TNR: variants seen among roughly 807,000 people sequenced by gnomAD.
TNR encodes tenascin-R.
In TNR, 45 loss-of-function variants were observed where a neutral mutation model predicts 150.4. The observed-to-expected ratio is 0.30, with a 90% CI of 0.24 to 0.38. TNR has a LOEUF of 0.38. TNR is among the 10% of genes least tolerant of loss of function. TNR has a pLI of 1.00. For synonymous variants in TNR, 687 were observed against 678.4 expected, an observed-to-expected ratio of 1.01 and a Z score of -0.20; for missense variants, 1,544 against 1,759.1, an observed-to-expected ratio of 0.88 and a Z score of 2.19.
At chr1:175,438,813 A>G (rs1162123884) in intron 2 of TNR, among the ~76,000 whole-genome samples, 1 of 152,212 alleles carries the variant, frequency 6.6e-6, no homozygotes, top group Non-Finnish European at 1.5e-5. Context: ...AATCCAACTT[A>G]CAAGGGATGT....
At chr1:175,540,181 C>T (rs1313718619) in intron 1 of TNR, among the ~76,000 whole-genome samples, 1 of 152,170 alleles carries the variant, frequency 6.6e-6, no homozygotes, top group Non-Finnish European at 1.5e-5. Flanking sequence ...CAAGTCCTTC[C>T]TCTGATCCCA....
chr1:175,421,289 A>T (rs1304618899), intron 2 of TNR, among the ~76,000 whole-genome samples: 2 of 152,226 alleles, frequency 1.3e-5, no homozygotes. Context: ...CCCTAGCAAC[A>T]ACTCAACACT....
intron 1 of TNR, among the ~76,000 whole-genome samples, chr1:175,633,999 TGATGATGATGATGAC>T (rs11269214): frequency 0.28 from 43,082 of 151,230 alleles, 7,240 homozygotes; most frequent in East Asian, 0.5. Flanking sequence ...ACTGGGATGA[TGATGATGATGATGAC>T]GATGATGATG....
intron 1 of TNR, among the ~76,000 whole-genome samples, chr1:175,585,755 C>A (rs1290935373): frequency 6.6e-6 from 1 of 152,182 alleles, no homozygotes; most frequent in Non-Finnish European, 1.5e-5. Flanking sequence ...CAGCCTCCCA[C>A]TTCCTTCCCT....
At chr1:175,492,186 T>TC (rs1034165429) in intron 2 of TNR, among the ~76,000 whole-genome samples, 2 of 152,192 alleles carry the variant, frequency 1.3e-5, no homozygotes, top group African/African-American at 4.8e-5. Context: ...CTTCAGTCTT[T>TC]CCCCCCTCTG....
Position 175,386,016 on chromosome 1 carries a change from C to G in TNR, c.1777+16G>C, listed in dbSNP as rs72723450. On this transcript the variant is annotated intron_variant, in intron 8 of 22. Coordinates refer to ENST00000367674, the MANE Select transcript of TNR (RefSeq NM_003285.3). ...TCTTTCCCTCCTTGTGCGTCTCTCC[C>G]CCACCGCAGCCTTACCTGTTGTGAA... The G allele has an allele frequency of 1.2e-5, 18 of 1,549,594 alleles. 1 individual carries two copies. In the South Asian group the frequency reaches 1.8e-4, roughly 16 times the overall value.
At chr1:175,629,620 C>T (rs1476077032) in intron 1 of TNR, among the ~76,000 whole-genome samples, 1 of 152,130 alleles carries the variant, frequency 6.6e-6, no homozygotes, top group African/African-American at 2.4e-5. Context: ...AGCTAGAAGG[C>T]TGCAAGGGGT....
intron 2 of TNR, among the ~76,000 whole-genome samples, chr1:175,407,908 A>G (rs1045968465): frequency 6.6e-6 from 1 of 152,090 alleles, no homozygotes; most frequent in Non-Finnish European, 1.5e-5. Flanking sequence ...AGAGTGTTCA[A>G]TTTTCTCTTG....
intron 2 of TNR, among the ~76,000 whole-genome samples, chr1:175,409,567 T>G (rs1302285971): frequency 6.6e-6 from 1 of 152,186 alleles, no homozygotes; most frequent in Non-Finnish European, 1.5e-5. Flanking sequence ...TACCGAAATC[T>G]TATTCAAATG....
intron 1 of TNR, among the ~76,000 whole-genome samples, chr1:175,593,793 T>A (rs1008206512): frequency 1.3e-5 from 2 of 152,248 alleles, no homozygotes; most frequent in Middle Eastern, 3.4e-3. Context: ...AAGATATTTG[T>A]TTTCTCCATG....
chr1:175,697,536 C>A (rs112449355), intron 1 of TNR, among the ~76,000 whole-genome samples: 1 of 152,212 alleles, frequency 6.6e-6, no homozygotes, highest in Non-Finnish European at 1.5e-5. Flanking sequence ...CCCAGCCCCC[C>A]ACAGGTTGAC....
intron 2 of TNR, among the ~76,000 whole-genome samples, chr1:175,456,888 C>T (rs1478923476): frequency 6.6e-6 from 1 of 152,168 alleles, no homozygotes; most frequent in Non-Finnish European, 1.5e-5. Flanking sequence ...TAAGGGGAAA[C>T]TGAGGATTTA....
chr1:175,737,815 G>C (rs770640165), intron 1 of TNR, among the ~76,000 whole-genome samples: 7 of 152,298 alleles, frequency 4.6e-5, no homozygotes, highest in Non-Finnish European at 7.3e-5. Flanking sequence ...AGGAGACCAG[G>C]CTGGAACCCT....
intron 7 of TNR, among the ~76,000 whole-genome samples, chr1:175,386,732 C>T (rs1327884438): frequency 1.3e-5 from 2 of 152,170 alleles, no homozygotes; most frequent in Admixed American, 6.5e-5. Context: ...ACCTAAACAT[C>T]CAAGACTTCC....
chr1:175,490,396 T>A (rs997012188), intron 2 of TNR, among the ~76,000 whole-genome samples: 2 of 152,294 alleles, frequency 1.3e-5, no homozygotes, highest in East Asian at 3.9e-4. Context: ...ACTAAAGAGC[T>A]TCTGCACAAC....
At chr1:175,579,115 C>T (rs1662235813) in intron 1 of TNR, among the ~76,000 whole-genome samples, 2 of 151,954 alleles carry the variant, frequency 1.3e-5, no homozygotes, top group Admixed American at 6.6e-5. Flanking sequence ...GTAAGTCCTC[C>T]CTCTCTCCCT....
At chr1:175,730,612 T>C (rs182814579) in intron 1 of TNR, among the ~76,000 whole-genome samples, 1 of 152,348 alleles carries the variant, frequency 6.6e-6, no homozygotes. Context: ...GCCAACAGAA[T>C]TCCAGGCTGG....
rs183703384 is a variant in TNR, at chr1:175,366,067, C to T, written c.2125G>A (p.Ala709Thr). The change falls in exon 11 of 23, where the codon GCC (alanine) becomes ACC (threonine). Residue 709 changes from alanine (A) to threonine (T), a missense_variant. By Grantham distance (58) the Ala-to-Thr change is moderately conservative. This residue lies in a region of TNR where 1,254 missense variants were observed against 1,329.4 expected (regional missense o/e 0.94). Coordinates refer to ENST00000367674, the MANE Select transcript of TNR (RefSeq NM_003285.3). ...CGGTAGTGGTCAATGGGGCCACTGG[C>T]CTTGGTCCAGATGAGGGAGATGGAG... ...ETSISLIWTK[A>T]SGPIDHYRIT... The T allele has an allele frequency of 1.9e-5, 31 of 1,613,934 alleles. No individual in the cohort carries two copies. Among genetic ancestry groups the T allele is most frequent in the Non-Finnish European group, 2.5e-5 (30 of 1,179,934 alleles).
chr1:175,462,506 C>A (rs999790377), intron 2 of TNR, among the ~76,000 whole-genome samples: 4 of 152,172 alleles, frequency 2.6e-5, no homozygotes, highest in Non-Finnish European at 5.9e-5. Context: ...TAGACACACA[C>A]CCTCATTATG....
Sources: gnomAD v4.1 joint callset for allele counts (sites outside exome capture counted in the v4.1 genomes callset) on GRCh38, gnomAD v4.1.1 for gene constraint, gnomAD v4.1.1 regional missense constraint, MANE v1.5 for transcripts, NCBI Gene and HGNC (gene_info 2026-07-23, HGNC 2026-07-21) for gene names.